KCNIP1: variants seen among roughly 807,000 people sequenced by gnomAD.
KCNIP1 encodes the protein A-type potassium channel modulatory protein KCNIP1.
Under a neutral mutation model 33.0 loss-of-function variants are expected in KCNIP1, and 18 were observed. The observed-to-expected ratio is 0.55, with a 90% confidence interval of 0.38 to 0.81. The LOEUF (loss-of-function observed/expected upper bound fraction) is 0.81, where lower values mean the gene tolerates loss of function less well. Among genes scored for constraint, KCNIP1 ranks in the 30% least tolerant of loss-of-function variants. The pLI, the probability that KCNIP1 is intolerant of heterozygous loss-of-function variation, is 0.00. For synonymous variants in KCNIP1, 93 were observed against 98.3 expected, an observed-to-expected ratio of 0.95 and a Z score of 0.32; for missense variants, 238 against 271.6, an observed-to-expected ratio of 0.88 and a Z score of 0.87.
At chr5:170,395,176 T>G (rs1754726632) in intron 1 of KCNIP1, among the ~76,000 whole-genome samples, 1 of 152,262 alleles carries the variant, frequency 6.6e-6, no homozygotes, top group Non-Finnish European at 1.5e-5. Context: ...ATCTCCAAAG[T>G]GCTTTCCACA....
At chr5:170,699,877 G>C (rs898343214) in intron 1 of KCNIP1, among the ~76,000 whole-genome samples, 2 of 152,220 alleles carry the variant, frequency 1.3e-5, no homozygotes, top group Non-Finnish European at 2.9e-5. Context: ...AGCAGGCAGA[G>C]AGCTGGCCCC....
At chr5:170,642,854 G>T (rs935337214) in intron 1 of KCNIP1, among the ~76,000 whole-genome samples, 1 of 152,200 alleles carries the variant, frequency 6.6e-6, no homozygotes, top group African/African-American at 2.4e-5. Context: ...CAGCCCTTTT[G>T]CAATTGGGAT....
intron 1 of KCNIP1, among the ~76,000 whole-genome samples, chr5:170,714,305 T>G (rs996831467): frequency 6.6e-6 from 1 of 152,194 alleles, no homozygotes; most frequent in Admixed American, 6.5e-5. Context: ...CAGAATCCAC[T>G]GTGGGGACAT....
intron 1 of KCNIP1, among the ~76,000 whole-genome samples, chr5:170,640,322 A>C (rs1185847371): frequency 1.3e-5 from 2 of 152,238 alleles, no homozygotes. Context: ...TGAGTAGGGC[A>C]CGCAGGGAAG....
intron 1 of KCNIP1, among the ~76,000 whole-genome samples, chr5:170,519,946 G>C (rs1755298047): frequency 6.6e-6 from 1 of 152,116 alleles, no homozygotes; most frequent in African/African-American, 2.4e-5. Flanking sequence ...CAGGGGGTGA[G>C]CGAAAGCATG....
intron 1 of KCNIP1, among the ~76,000 whole-genome samples, chr5:170,700,187 C>T (rs1214497017): frequency 6.6e-6 from 1 of 152,064 alleles, no homozygotes; most frequent in Admixed American, 6.5e-5. Flanking sequence ...GCCCAGAACG[C>T]TCTCCCTCAC....
chr5:170,667,364 G>A (rs1761745774), intron 1 of KCNIP1, among the ~76,000 whole-genome samples: 1 of 151,870 alleles, frequency 6.6e-6, no homozygotes, highest in Non-Finnish European at 1.5e-5. Context: ...ATTACTATTA[G>A]CAATCTGAAG....
intron 1 of KCNIP1, among the ~76,000 whole-genome samples, chr5:170,592,984 C>G (rs189258216): frequency 6.6e-6 from 1 of 152,186 alleles, no homozygotes; most frequent in East Asian, 1.9e-4. Flanking sequence ...AGAAGAAAAT[C>G]AAAGTCAGCA....
intron 1 of KCNIP1, among the ~76,000 whole-genome samples, chr5:170,568,692 G>A (rs949036958): frequency 1.1e-4 from 14 of 131,438 alleles, no homozygotes; most frequent in East Asian, 7.0e-4. Context: ...GCATGGTGGC[G>A]GGCACCTGTA....
At chr5:170,379,142 C>T (rs2301148) in intron 1 of KCNIP1, among the ~76,000 whole-genome samples, 14,383 of 152,198 alleles carry the variant, frequency 0.095, 725 homozygotes, top group Middle Eastern at 0.21. Context: ...CTGGAGAGCA[C>T]GCTCTCATTT....
At chr5:170,398,376 T>C (rs1271347248) in intron 1 of KCNIP1, among the ~76,000 whole-genome samples, 3 of 152,248 alleles carry the variant, frequency 2.0e-5, no homozygotes, top group South Asian at 2.1e-4. Flanking sequence ...TTTTGGTATA[T>C]ATTTCACACC....
intron 5 of KCNIP1, among the ~76,000 whole-genome samples, chr5:170,729,277 A>G (rs942526381): frequency 3.3e-5 from 5 of 152,130 alleles, no homozygotes; most frequent in Admixed American, 1.3e-4. Context: ...AAAATTCTGC[A>G]TATCAAAAAA....
intron 1 of KCNIP1, among the ~76,000 whole-genome samples, chr5:170,466,106 G>A (rs1243980827): frequency 6.6e-6 from 1 of 152,172 alleles, no homozygotes; most frequent in Non-Finnish European, 1.5e-5. Context: ...TTGAGAAGAA[G>A]ACAAGTGGGG....
intron 1 of KCNIP1, among the ~76,000 whole-genome samples, chr5:170,526,891 T>A (rs1755595863): frequency 6.6e-6 from 1 of 151,960 alleles, no homozygotes; most frequent in South Asian, 2.1e-4. Flanking sequence ...CCCGGCTAAT[T>A]TTTGTATTTT....
chr5:170,569,022 A>G (rs1757303361), intron 1 of KCNIP1, among the ~76,000 whole-genome samples: 1 of 152,100 alleles, frequency 6.6e-6, no homozygotes, highest in Non-Finnish European at 1.5e-5. Context: ...AAGAATTTTC[A>G]TGACTGAGTG....
chr5:170,529,541 A>G (rs1755710178), intron 1 of KCNIP1, among the ~76,000 whole-genome samples: 1 of 152,184 alleles, frequency 6.6e-6, no homozygotes. Flanking sequence ...CTTCAAGTAC[A>G]CAGGTTTCTG....
intron 1 of KCNIP1, among the ~76,000 whole-genome samples, chr5:170,669,090 T>C (rs905896037): frequency 1.3e-5 from 2 of 152,206 alleles, no homozygotes; most frequent in Non-Finnish European, 2.9e-5. Context: ...CCTGCCCCAC[T>C]GATGGTGTGA....
At chr5:170,553,672 G>T (rs1756738384) in intron 1 of KCNIP1, among the ~76,000 whole-genome samples, 1 of 152,214 alleles carries the variant, frequency 6.6e-6, no homozygotes, top group Non-Finnish European at 1.5e-5. Flanking sequence ...CTCAGAGGAA[G>T]GGCTGGCCTT....
chr5:170,524,265 TC>T (rs1755488378), intron 1 of KCNIP1, among the ~76,000 whole-genome samples: 1 of 152,122 alleles, frequency 6.6e-6, no homozygotes, highest in Non-Finnish European at 1.5e-5. Context: ...CAGCACTGCA[TC>T]CCCTGCCCTG....
Sources: gnomAD v4.1 joint callset for allele counts (sites outside exome capture counted in the v4.1 genomes callset) on GRCh38, gnomAD v4.1.1 for gene constraint, MANE v1.5 for transcripts, NCBI Gene and HGNC (gene_info 2026-07-23, HGNC 2026-07-21) for gene names.